The following ADAM23 variants were observed in gnomAD, a reference collection of about 807,000 sequenced individuals.
ADAM23 encodes the protein ADAM metallopeptidase domain 23, also known as disintegrin and metalloproteinase domain-containing protein 23.
In ADAM23, 33 loss-of-function variants were observed where a neutral mutation model predicts 120.1. The ratio of observed to expected loss-of-function variants is 0.27; its 90% CI spans 0.21 to 0.37. The LOEUF (loss-of-function observed/expected upper bound fraction) is 0.37. Among genes scored for constraint, ADAM23 ranks in the 10% least tolerant of loss-of-function variants. ADAM23 has a pLI of 1.00. For synonymous variants in ADAM23, 367 were observed against 375.2 expected (o/e 0.98, Z 0.25); for missense variants, 862 against 1,058.2 (o/e 0.81, Z 2.57).
intron 3 of ADAM23, among the ~76,000 whole-genome samples, chr2:206,514,378 A>G (rs959913938): frequency 4.6e-5 from 7 of 152,208 alleles, no homozygotes; most frequent in South Asian, 2.1e-4. Context: ...GAGGGGTTCA[A>G]GAGTTCAGTG....
chr2:206,463,309 CAG>C (rs1695465202), intron 2 of ADAM23, among the ~76,000 whole-genome samples: 1 of 152,114 alleles, frequency 6.6e-6, no homozygotes, highest in Non-Finnish European at 1.5e-5. Context: ...ATGTTGGAAA[CAG>C]AGGTTTGAGT....
chr2:206,476,202 G>C (rs1445239322), intron 2 of ADAM23, among the ~76,000 whole-genome samples: 1 of 152,074 alleles, frequency 6.6e-6, no homozygotes, highest in African/African-American at 2.4e-5. Flanking sequence ...TCTTACCTCT[G>C]TTTGTAAAAC....
At chr2:206,601,614 AAAT>A (rs1698641214) in intron 24 of ADAM23, among the ~76,000 whole-genome samples, 1 of 152,058 alleles carries the variant, frequency 6.6e-6, no homozygotes. Flanking sequence ...CTATATAAAA[AAAT>A]AAAAAAATTA....
At chr2:206,478,627 T>G (rs904791490) in intron 2 of ADAM23, among the ~76,000 whole-genome samples, 2 of 152,182 alleles carry the variant, frequency 1.3e-5, no homozygotes, top group African/African-American at 4.8e-5. Context: ...ATGTTCTTGT[T>G]TGCGATCATA....
intron 25 of ADAM23, among the ~76,000 whole-genome samples, chr2:206,614,949 A>G (rs1299143405): frequency 2.6e-5 from 4 of 152,104 alleles, no homozygotes; most frequent in African/African-American, 9.7e-5. Context: ...CTGGCCAGGA[A>G]GATCGGTGCA....
intron 2 of ADAM23, among the ~76,000 whole-genome samples, chr2:206,463,107 A>G (rs989775260): frequency 6.6e-6 from 1 of 152,228 alleles, no homozygotes; most frequent in Non-Finnish European, 1.5e-5. Flanking sequence ...GAGGAGTTAT[A>G]GTAGACAGAT....
intron 15 of ADAM23, among the ~76,000 whole-genome samples, chr2:206,569,219 A>C (rs894966225): frequency 4.6e-5 from 7 of 152,234 alleles, no homozygotes. Flanking sequence ...GGTTTCTAGC[A>C]TATGCATAAA....
intron 15 of ADAM23, among the ~76,000 whole-genome samples, chr2:206,569,074 A>C (rs1336467999): frequency 6.6e-6 from 1 of 152,260 alleles, no homozygotes; most frequent in East Asian, 1.9e-4. Flanking sequence ...TGAAATAAGT[A>C]ATAATGAACT....
intron 2 of ADAM23, among the ~76,000 whole-genome samples, chr2:206,461,906 A>T (rs562338826): frequency 4.9e-4 from 75 of 152,162 alleles, no homozygotes; most frequent in Non-Finnish European, 7.3e-4. Flanking sequence ...AAATGAAAAG[A>T]GTAGCTGCCT....
chr2:206,453,129 G>C (rs1282817843), intron 2 of ADAM23, among the ~76,000 whole-genome samples: 1 of 152,196 alleles, frequency 6.6e-6, no homozygotes, highest in Admixed American at 6.5e-5. Context: ...CACATTTGCT[G>C]TTCCCTTCTC....
chr2:206,558,264 A>C (rs747717482), intron 10 of ADAM23, among the ~76,000 whole-genome samples: 13 of 152,198 alleles, frequency 8.5e-5, no homozygotes, highest in Non-Finnish European at 1.8e-4. Context: ...CATATGTTGT[A>C]ATGTAAAGTG....
At chr2:206,451,571 T>A (rs538775923) in intron 2 of ADAM23, among the ~76,000 whole-genome samples, 1 of 152,314 alleles carries the variant, frequency 6.6e-6, no homozygotes, top group South Asian at 2.1e-4. Context: ...TTTTTAAATA[T>A]CCTACTTAGT....
At chr2:206,575,893 G>C (rs1285489929) in intron 18 of ADAM23, among the ~76,000 whole-genome samples, 1 of 152,180 alleles carries the variant, frequency 6.6e-6, no homozygotes, top group East Asian at 1.9e-4. Flanking sequence ...AAGTGAGTAA[G>C]GAGTAGGGGA....
At chr2:206,486,748 A>C (rs1172878140) in intron 3 of ADAM23, among the ~76,000 whole-genome samples, 1 of 152,006 alleles carries the variant, frequency 6.6e-6, no homozygotes, top group Admixed American at 6.6e-5. Context: ...ATCACCTATC[A>C]TAAAACTCAC....
At chr2:206,585,066 G>T (rs955402438) in intron 18 of ADAM23, among the ~76,000 whole-genome samples, 1 of 152,126 alleles carries the variant, frequency 6.6e-6, no homozygotes, top group Admixed American at 6.5e-5. Flanking sequence ...ACAGTATTTG[G>T]GTGTCTCCTG....
Position 206,592,669 on chromosome 2 carries a change from A to G in ADAM23, c.2011A>G (p.Ile671Val). Residue 671 changes from isoleucine (I) to valine (V), a missense_variant, in exon 22 of 26, where the codon ATT becomes GTT. Coordinates refer to ENST00000264377, the MANE Select transcript of ADAM23 (RefSeq NM_003812.4). ...TACCAATCTTACTCGAGCTCCACGT[A>G]TTGGTCAACTTCAGGGTGAGATCAT... is the stretch of plus-strand genomic sequence containing the variant. ...LCTNLTRAPR[I>V]GQLQGEIIPT... is the part of the protein sequence containing the mutation. 6.2e-7 allele frequency: 1 copy of G among 1,614,028 alleles called. No individual in the cohort carries two copies. The highest frequency in any genetic ancestry group is 8.5e-7 in the Non-Finnish European group (1 of 1,179,944).
At chr2:206,452,313 A>G (rs1200782637) in intron 2 of ADAM23, among the ~76,000 whole-genome samples, 3 of 152,226 alleles carry the variant, frequency 2.0e-5, no homozygotes, top group Non-Finnish European at 2.9e-5. Context: ...TCCAACTGCT[A>G]ACTGTGCTTT....
At chr2:206,508,905 TTCTC>T (rs1696563046) in intron 3 of ADAM23, among the ~76,000 whole-genome samples, 1 of 152,176 alleles carries the variant, frequency 6.6e-6, no homozygotes, top group Non-Finnish European at 1.5e-5. Flanking sequence ...TTCTCAATTT[TTCTC>T]TCTGAGATCG....
Position 206,592,744 on chromosome 2 carries a change from A to G in ADAM23, c.2078+8A>G. The G allele has an allele frequency of 6.2e-7, 1 of 1,613,710 alleles. No homozygotes were observed. The highest frequency in any genetic ancestry group is 8.5e-7 in the Non-Finnish European group (1 of 1,179,772). The stretch of plus-strand genomic sequence containing the variant: ...CCGGGTGATTGACTGCAGGTAACAT[A>G]TTAAATATTAGAAGACCTAATAAGC... On this transcript the variant is annotated splice_region_variant and intron_variant, in intron 22 of 25. Coordinates refer to ENST00000264377, the MANE Select transcript of ADAM23 (RefSeq NM_003812.4).
Sources: allele counts gnomAD v4.1 joint callset (sites outside exome capture counted in the v4.1 genomes callset), GRCh38; gene constraint gnomAD v4.1.1; transcripts MANE v1.5; gene names NCBI Gene and HGNC (gene_info 2026-07-23, HGNC 2026-07-21).